Variants in LAMB1 observed in about 807,000 individuals in gnomAD.
LAMB1 encodes laminin subunit beta 1, also known as laminin subunit beta-1.
Under a neutral mutation model 222.3 loss-of-function variants are expected in LAMB1, and 121 were observed. The observed-to-expected ratio is 0.54, with a 90% CI of 0.47 to 0.63. The LOEUF is 0.63. LAMB1 is among the 30% of genes least tolerant of loss of function. The pLI is 0.00. For missense variants in LAMB1, 2,172 were observed against 2,240.8 expected, an observed-to-expected ratio of 0.97 and a Z score of 0.62; for synonymous variants, 794 against 807.2, an observed-to-expected ratio of 0.98 and a Z score of 0.28.
intron 5 of LAMB1, among the ~76,000 whole-genome samples, chr7:107,988,240 T>C (rs576757664): frequency 6.6e-6 from 1 of 152,352 alleles, no homozygotes; most frequent in East Asian, 1.9e-4. Context: ...GTAGCTGTGT[T>C]GCCAATGACG....
chr7:107,942,380 C>G (rs2033011520), intron 24 of LAMB1: 3 of 152,246 alleles, frequency 2.0e-5, no homozygotes, highest in African/African-American at 7.2e-5. Flanking sequence ...TCCTTTCAAC[C>G]CAGAGGTGTG....
chr7:107,940,780 C>T (rs995689223), intron 24 of LAMB1, among the ~76,000 whole-genome samples: 12 of 152,182 alleles, frequency 7.9e-5, no homozygotes, highest in Admixed American at 2.0e-4. Context: ...TCTTCACCTC[C>T]GTCCTGCCTT....
intron 8 of LAMB1, among the ~76,000 whole-genome samples, chr7:107,979,280 A>G (rs189399103): frequency 4.6e-5 from 7 of 152,360 alleles, no homozygotes; most frequent in African/African-American, 1.2e-4. Flanking sequence ...TTGTGCAACA[A>G]AAGTTCTAAC....
chr7:107,997,352 C>G (rs2237707), intron 4 of LAMB1, among the ~76,000 whole-genome samples: 88,465 of 152,024 alleles, frequency 0.58, 26,604 homozygotes, highest in African/African-American at 0.73. Context: ...GAACCCAGGA[C>G]GTGGAGGTTG....
chr7:107,977,955 C>A (rs2033900615), intron 9 of LAMB1, 92 bp downstream of exon 9: 4 of 1,460,846 alleles, frequency 2.7e-6, no homozygotes. Flanking sequence ...TTTCTACCCT[C>A]TGCAAAACAG....
chr7:107,940,471 A>C lies in LAMB1; in HGVS notation c.3392-113T>G, dbSNP rs529893569. On this transcript the variant is annotated intron_variant, in intron 24 of 33. Coordinates refer to ENST00000222399, the MANE Select transcript of LAMB1 (RefSeq NM_002291.3). ...GAAAATGGGAAGGTGTCAACCATCGACAACAATTGACCAATGGCTCAGGTA... is the reference window on the plus strand; with the variant it reads ...GAAAATGGGAAGGTGTCAACCATCGCCAACAATTGACCAATGGCTCAGGTA... The C allele has an allele frequency of 4.3e-5, 48 of 1,123,934 alleles. 1 individual carries two copies. In the South Asian group the frequency reaches 7.1e-4, roughly 17 times the overall value. 69.6% of individuals were successfully genotyped at this position (1,123,934 alleles called of 1,614,324 possible). A position where few individuals can be genotyped will look rare whatever the true frequency, so the allele number is the denominator to read the frequency against.
intron 5 of LAMB1, among the ~76,000 whole-genome samples, chr7:107,992,551 T>G (rs2034204689): frequency 6.6e-6 from 1 of 152,192 alleles, no homozygotes. Context: ...TTATAAAGAC[T>G]TTCAGGTTCC....
intron 13 of LAMB1, among the ~76,000 whole-genome samples, chr7:107,969,142 GC>G (rs1439108679): frequency 6.6e-6 from 1 of 152,104 alleles, no homozygotes; most frequent in East Asian, 1.9e-4. Context: ...CAAAAAATTA[GC>G]CGGGCATGGT....
intron 24 of LAMB1, among the ~76,000 whole-genome samples, chr7:107,946,947 C>CT (rs1452117974): frequency 6.6e-6 from 1 of 152,210 alleles, no homozygotes; most frequent in Admixed American, 6.5e-5. Flanking sequence ...AGACACTGCC[C>CT]TTTTCCAAGA....
intron 24 of LAMB1, chr7:107,951,021 A>G (rs1031693312): frequency 3.9e-6 from 2 of 519,116 alleles, no homozygotes; most frequent in East Asian, 3.3e-5. Context: ...ATGCACATCC[A>G]CTCTTGACTA....
In LAMB1 at chr7:107,964,595, A is replaced by G. The variant is rs2033587982; in HGVS notation, c.1655T>C (p.Leu552Pro). The G allele has an allele frequency of 1.9e-6, 3 of 1,614,186 alleles. No individual in the cohort carries two copies. The highest frequency in any genetic ancestry group is 1.1e-5 in the South Asian group (1 of 91,086). ...CTCCGCTTCATAGAGGTAGTGATCC[A>G]GGGTGGCAAAGTAGTAACCAGGTTC... ...EVEPGYYFAT[L>P]DHYLYEAEEA... The change falls in exon 14 of 34, where the codon CTG (leucine) becomes CCG (proline). Residue 552 changes from leucine (L) to proline (P), a missense_variant. Physicochemically the swap from Leu to Pro is moderately conservative, Grantham distance 98. Transcript: ENST00000222399.
At chr7:108,002,083 C>G in intron 2 of LAMB1, 1 of 1,469,082 alleles carries the variant, frequency 6.8e-7, no homozygotes, top group Non-Finnish European at 9.0e-7. Flanking sequence ...TTCGACGTGT[C>G]CGGAGCCCGG....
At chr7:107,979,210 C>T (rs1434399548) in intron 8 of LAMB1, among the ~76,000 whole-genome samples, 3 of 152,144 alleles carry the variant, frequency 2.0e-5, no homozygotes, top group African/African-American at 4.8e-5. Flanking sequence ...GAAAGATGGA[C>T]CAATAAGATT....
chr7:108,001,771 AG>A, intron 2 of LAMB1, 38 bp from the exon 3 acceptor site: 3 of 1,606,922 alleles, frequency 1.9e-6, no homozygotes, highest in Non-Finnish European at 2.6e-6. Flanking sequence ...GGGGGACACA[AG>A]CAGGGAGTGG....
At chr7:107,980,393 C>G (rs527789109) in intron 8 of LAMB1, among the ~76,000 whole-genome samples, 4 of 152,178 alleles carry the variant, frequency 2.6e-5, no homozygotes, top group African/African-American at 9.6e-5. Flanking sequence ...AAAAATTCAT[C>G]GTCTATGAAA....
intron 24 of LAMB1, among the ~76,000 whole-genome samples, chr7:107,944,369 TG>T: frequency 6.6e-6 from 1 of 152,308 alleles, no homozygotes; most frequent in South Asian, 2.1e-4. Context: ...GAAATTAGCC[TG>T]GGTAAGAGTT....
intron 4 of LAMB1, among the ~76,000 whole-genome samples, chr7:107,997,047 G>A (rs1225023436): frequency 1.3e-5 from 2 of 152,164 alleles, no homozygotes; most frequent in African/African-American, 4.8e-5. Flanking sequence ...ACCCAATGAA[G>A]TTTGTAACCA....
intron 24 of LAMB1, among the ~76,000 whole-genome samples, chr7:107,945,401 G>A (rs1368208880): frequency 3.3e-5 from 5 of 152,174 alleles, no homozygotes; most frequent in Non-Finnish European, 4.4e-5. Context: ...TGTGCCCACT[G>A]AACAAAGTCT....
intron 3 of LAMB1, 108 bp downstream of exon 3, chr7:108,001,450 G>A (rs1234021351): frequency 7.1e-6 from 9 of 1,272,320 alleles, no homozygotes; most frequent in South Asian, 1.6e-5. Flanking sequence ...GGCTGGCTGC[G>A]CTTCCTATCT....
Sources: gnomAD v4.1 joint callset for allele counts (sites outside exome capture counted in the v4.1 genomes callset) on GRCh38, gnomAD v4.1.1 for gene constraint, MANE v1.5 for transcripts, NCBI Gene and HGNC (gene_info 2026-07-23, HGNC 2026-07-21) for gene names.